ULK2: variants seen among roughly 807,000 people sequenced by gnomAD.
The protein encoded by ULK2 is unc-51 like autophagy activating kinase 2.
In ULK2, 76 loss-of-function variants were observed where a neutral mutation model predicts 127.5. That is an observed-to-expected ratio of 0.60 (90% CI 0.50 to 0.72). ULK2 has a LOEUF of 0.72. Ranked by LOEUF, ULK2 falls within the 30% of genes least tolerant of loss-of-function variation. The probability of loss-of-function intolerance (pLI) is 0.00; values close to 1 mark genes in which losing one functional copy is unlikely to be tolerated. For missense variants in ULK2, 1,144 were observed against 1,295.9 expected (o/e 0.88, Z 1.80); for synonymous variants, 452 against 461.9 (o/e 0.98, Z 0.28).
At chr17:19,781,817 A>T in intron 23 of ULK2, 72 bp downstream of exon 23, 1 of 1,514,088 alleles carries the variant, frequency 6.6e-7, no homozygotes, top group Non-Finnish European at 8.9e-7. Context: ...GTGGATGACA[A>T]TACCTACAAC....
At position 19,804,750 on chromosome 17, in the gene ULK2, A is replaced by C. The variant is rs747559166; in HGVS notation, c.1238T>G (p.Ile413Arg). ...VPTQIRNYQRIEQNLTSTASS... is the reference protein window; with the variant it reads ...VPTQIRNYQRREQNLTSTASS... ...GGCAGTAGATGTAAGATTCTGCTCT[A>C]TGCGCTGATAATTCCTTATTTGAGT... The change falls in exon 15 of 27, where the codon ATA becomes AGA. Residue 413 changes from isoleucine (I) to arginine (R), a missense_variant. This residue lies in a region of ULK2 where 913 missense variants were observed against 970.5 expected (regional missense o/e 0.94). Coordinates refer to ENST00000395544, the MANE Select transcript of ULK2 (RefSeq NM_014683.4). The C allele has an allele frequency of 6.2e-7, 1 of 1,612,838 alleles. No homozygotes were observed. Among genetic ancestry groups the C allele is most frequent in the African/African-American group, 1.3e-5 (1 of 75,006 alleles).
At chr17:19,819,807 C>T (rs531985939) in intron 12 of ULK2, among the ~76,000 whole-genome samples, 20 of 152,242 alleles carry the variant, frequency 1.3e-4, no homozygotes, top group African/African-American at 4.3e-4. Context: ...TGGCTCTTCT[C>T]CTTCCTTACT....
chr17:19,791,451 G>A (rs1404067685), intron 20 of ULK2, among the ~76,000 whole-genome samples: 1 of 152,144 alleles, frequency 6.6e-6, no homozygotes, highest in African/African-American at 2.4e-5. Context: ...CTAGGAGGCC[G>A]AGGCAGGCAA....
At chr17:19,829,838 C>A (rs1316279543) in intron 10 of ULK2, among the ~76,000 whole-genome samples, 839 of 120,476 alleles carry the variant, frequency 7.0e-3, no homozygotes, top group East Asian at 0.014. Context: ...GACTCCATTT[C>A]AAAAAAAAAA....
chr17:19,852,624 ATAAAG>A (rs1466346445), intron 3 of ULK2, among the ~76,000 whole-genome samples: 8 of 151,706 alleles, frequency 5.3e-5, no homozygotes, highest in Non-Finnish European at 7.4e-5. Context: ...TAAAAAAACA[ATAAAG>A]TAAATTTTTT....
At chr17:19,850,205 C>T (rs1000777361) in intron 3 of ULK2, among the ~76,000 whole-genome samples, 1 of 152,152 alleles carries the variant, frequency 6.6e-6, no homozygotes, top group Non-Finnish European at 1.5e-5. Context: ...ACTATATGCA[C>T]AGTCTGATTT....
intron 10 of ULK2, among the ~76,000 whole-genome samples, chr17:19,829,520 G>C (rs1190564539): frequency 8.8e-6 from 1 of 113,204 alleles, no homozygotes; most frequent in Non-Finnish European, 1.7e-5. Flanking sequence ...CTAGGTGACA[G>C]GATGAGACCC....
chr17:19,821,334 C>T (rs2041137298), intron 12 of ULK2, among the ~76,000 whole-genome samples: 1 of 151,978 alleles, frequency 6.6e-6, no homozygotes, highest in Non-Finnish European at 1.5e-5. Flanking sequence ...AATAAATATT[C>T]AAGATTTACC....
Position 19,846,751 on chromosome 17 carries a change from A to C in ULK2, c.455T>G (p.Ile152Ser). ...ANRRKSSVSGIRIKIADFGFA... is the reference protein window; with the variant it reads ...ANRRKSSVSGSRIKIADFGFA... ...TGGCCATTTACCTATTTTGATGCGA[A>C]TACCACTGACACTTGATTTTCTGCG... The change falls in exon 6 of 27, where the codon ATT becomes AGT. Residue 152 changes from isoleucine to serine, a missense_variant. Physicochemically the swap from Ile to Ser is moderately radical, Grantham distance 142. Around this residue, in one of 2 missense-constraint regions of ULK2, gnomAD observed 231 missense variants for 325.4 expected, o/e 0.71. Coordinates refer to ENST00000395544, the MANE Select transcript of ULK2 (RefSeq NM_014683.4). The C allele has an allele frequency of 6.2e-7, 1 of 1,609,308 alleles. No homozygotes were observed. Among genetic ancestry groups the C allele is most frequent in the Non-Finnish European group, 8.5e-7 (1 of 1,178,248 alleles).
At chr17:19,806,183 G>C (rs1420411081) in intron 14 of ULK2, among the ~76,000 whole-genome samples, 1 of 152,154 alleles carries the variant, frequency 6.6e-6, no homozygotes, top group African/African-American at 2.4e-5. Flanking sequence ...GACAACCCAA[G>C]TTCCTTAACA....
At chr17:19,838,240 T>C (rs1387651746) in intron 10 of ULK2, among the ~76,000 whole-genome samples, 3 of 134,918 alleles carry the variant, frequency 2.2e-5, no homozygotes, top group African/African-American at 8.2e-5. Context: ...TCTAATATAA[T>C]ATATAATTAT....
At chr17:19,837,592 C>T (rs760426072) in intron 10 of ULK2, among the ~76,000 whole-genome samples, 5 of 152,168 alleles carry the variant, frequency 3.3e-5, no homozygotes, top group Non-Finnish European at 7.4e-5. Flanking sequence ...GTCCCCATAG[C>T]CTGCTCTATC....
rs1004392347 is a variant in ULK2 at position 19,850,309 on chromosome 17, G to A, written c.226-535C>T. Among the ~76,000 whole-genome samples, 9 of 152,076 alleles carry A rather than the reference G, an allele frequency of 5.9e-5. 1 individual carries two copies. The highest frequency in any genetic ancestry group is 3.3e-4 in the Admixed American group (5 of 15,242). ...CATTATCAGCAATTGGTGGCAAAGG[G>A]AAATGTTTTATCACATTATCAACAC... is the stretch of plus-strand genomic sequence containing the variant. On this transcript the variant is annotated intron_variant, in intron 3 of 26. Transcript: ENST00000395544.
intron 13 of ULK2, among the ~76,000 whole-genome samples, chr17:19,812,480 C>T (rs1305901446): frequency 1.3e-5 from 2 of 152,120 alleles, no homozygotes; most frequent in Non-Finnish European, 2.9e-5. Context: ...ATGGCTAAGC[C>T]CAGCTACCTT....
chr17:19,816,015 T>C (rs1025297809), intron 13 of ULK2, among the ~76,000 whole-genome samples: 2 of 152,250 alleles, frequency 1.3e-5, no homozygotes, highest in African/African-American at 4.8e-5. Flanking sequence ...TTAATTACAT[T>C]CAGTTTAGGG....
chr17:19,824,279 T>C (rs1256593372), intron 12 of ULK2, among the ~76,000 whole-genome samples: 1 of 151,758 alleles, frequency 6.6e-6, no homozygotes, highest in Non-Finnish European at 1.5e-5. Flanking sequence ...ACCCCGTCTC[T>C]ACAAAAGATA....
At chr17:19,816,289 C>T (rs907427718) in intron 13 of ULK2, among the ~76,000 whole-genome samples, 3 of 152,160 alleles carry the variant, frequency 2.0e-5, no homozygotes, top group Non-Finnish European at 4.4e-5. Flanking sequence ...TACACTGGCT[C>T]TATTTAGTCA....
At chr17:19,849,039 G>A (rs904708114) in intron 5 of ULK2, among the ~76,000 whole-genome samples, 8 of 152,042 alleles carry the variant, frequency 5.3e-5, no homozygotes, top group South Asian at 4.2e-4. Flanking sequence ...TGAAAGAAAC[G>A]AAACGGACTA....
intron 10 of ULK2, among the ~76,000 whole-genome samples, chr17:19,830,288 C>T (rs747833017): frequency 2.0e-5 from 3 of 152,096 alleles, no homozygotes; most frequent in Non-Finnish European, 2.9e-5. Flanking sequence ...CAGCATCAAA[C>T]TCCTGGGCTG....
Sources: gnomAD v4.1 joint callset for allele counts (sites outside exome capture counted in the v4.1 genomes callset) on GRCh38, gnomAD v4.1.1 for gene constraint, gnomAD v4.1.1 regional missense constraint, MANE v1.5 for transcripts, NCBI Gene and HGNC (gene_info 2026-07-23, HGNC 2026-07-21) for gene names.